Variants in PDE1C observed in about 807,000 individuals in gnomAD.
PDE1C encodes the protein dual specificity calcium/calmodulin-dependent 3',5'-cyclic nucleotide phosphodiesterase 1C.
In PDE1C, 62 loss-of-function variants were observed where a neutral mutation model predicts 93.1. That is an observed-to-expected ratio of 0.67 (90% CI 0.54 to 0.82). The LOEUF (loss-of-function observed/expected upper bound fraction) is 0.82. Among genes scored for constraint, PDE1C ranks in the 40% least tolerant of loss-of-function variants. The pLI is 0.00. For missense variants in PDE1C, 742 were observed against 884.6 expected (o/e 0.84, Z 2.04); for synonymous variants, 325 against 310.1 (o/e 1.05, Z -0.50).
chr7:32,028,082 C>A (rs1011809064), intron 2 of PDE1C, among the ~76,000 whole-genome samples: 1 of 152,018 alleles, frequency 6.6e-6, no homozygotes, highest in African/African-American at 2.4e-5. Flanking sequence ...AGCAAGACAC[C>A]CTGAATTGCA....
chr7:32,111,380 TAAAGACACA>T (rs1798631621), intron 3 of PDE1C, among the ~76,000 whole-genome samples: 1 of 152,194 alleles, frequency 6.6e-6, no homozygotes, highest in Non-Finnish European at 1.5e-5. Context: ...CATAGCATTT[TAAAGACACA>T]AAATTGTGTA....
chr7:32,157,007 A>AT (rs1165968533), intron 3 of PDE1C, among the ~76,000 whole-genome samples: 19 of 152,210 alleles, frequency 1.2e-4, no homozygotes, highest in African/African-American at 4.6e-4. Flanking sequence ...AGAAGGACTC[A>AT]GTGTCACTTA....
At chr7:32,262,964 T>A (rs1460620329) in intron 1 of PDE1C, among the ~76,000 whole-genome samples, 7 of 152,216 alleles carry the variant, frequency 4.6e-5, no homozygotes, top group Admixed American at 3.3e-4. Flanking sequence ...AAATTTAGAT[T>A]CTTGGTTTTA....
chr7:31,947,330 T>G (rs776413287), intron 2 of PDE1C, among the ~76,000 whole-genome samples: 19 of 152,336 alleles, frequency 1.2e-4, no homozygotes, highest in Middle Eastern at 3.4e-3. Flanking sequence ...AATACCTTCA[T>G]GGCAACATCT....
chr7:32,112,687 T>G (rs886967352), intron 3 of PDE1C, among the ~76,000 whole-genome samples: 2 of 151,376 alleles, frequency 1.3e-5, no homozygotes, highest in East Asian at 3.9e-4. Flanking sequence ...AATCCTGGCC[T>G]GAAGCAATTC....
intron 16 of PDE1C, among the ~76,000 whole-genome samples, chr7:31,793,829 C>G (rs1360173119): frequency 2.6e-5 from 4 of 151,976 alleles, no homozygotes; most frequent in Non-Finnish European, 5.9e-5. Flanking sequence ...ATGCTTTCTC[C>G]TTGCCCTAAA....
the PDE1C span, among the ~76,000 whole-genome samples, chr7:31,617,912 A>G: frequency 6.6e-6 from 1 of 152,222 alleles, no homozygotes; most frequent in African/African-American, 2.4e-5. Context: ...GGAAAAGAAG[A>G]TAAAGTCCCT....
the PDE1C span, among the ~76,000 whole-genome samples, chr7:31,742,521 A>C: frequency 6.6e-6 from 1 of 152,202 alleles, no homozygotes; most frequent in Non-Finnish European, 1.5e-5. Flanking sequence ...CCTGGGCAGC[A>C]CAAGGAGACC....
chr7:32,013,447 G>T (rs1032672018), intron 2 of PDE1C, among the ~76,000 whole-genome samples: 1 of 152,214 alleles, frequency 6.6e-6, no homozygotes, highest in African/African-American at 2.4e-5. Flanking sequence ...AGGAGACAGG[G>T]TTATTTATAA....
intron 2 of PDE1C, among the ~76,000 whole-genome samples, chr7:31,950,475 G>C (rs569937480): frequency 6.6e-6 from 1 of 152,144 alleles, no homozygotes; most frequent in South Asian, 2.1e-4. Flanking sequence ...AAAGTATGCA[G>C]AGTAGGACAG....
At chr7:32,266,929 G>A (rs1435091214) in intron 1 of PDE1C, among the ~76,000 whole-genome samples, 4 of 152,124 alleles carry the variant, frequency 2.6e-5, no homozygotes, top group Non-Finnish European at 5.9e-5. Context: ...GTGCGCTGGA[G>A]AGGCTGGAAG....
intron 6 of PDE1C, among the ~76,000 whole-genome samples, chr7:31,866,829 T>C (rs112294965): frequency 1.3e-5 from 2 of 152,122 alleles, no homozygotes; most frequent in African/African-American, 4.8e-5. Flanking sequence ...TGGCTAGCAG[T>C]CCACATTCCC....
At chr7:32,125,180 G>A (rs532765226) in intron 3 of PDE1C, among the ~76,000 whole-genome samples, 13 of 152,212 alleles carry the variant, frequency 8.5e-5, no homozygotes, top group East Asian at 1.9e-4. Context: ...ACCATCTCAC[G>A]CCAGTCAGAA....
chr7:31,943,577 G>A (rs1276867743), intron 2 of PDE1C, among the ~76,000 whole-genome samples: 1 of 152,148 alleles, frequency 6.6e-6, no homozygotes, highest in Non-Finnish European at 1.5e-5. Flanking sequence ...TAAGGTGGAA[G>A]CAAGTTCACC....
chr7:32,205,722 C>G (rs75671152), intron 2 of PDE1C, among the ~76,000 whole-genome samples: 5,769 of 152,222 alleles, frequency 0.038, 370 homozygotes, highest in African/African-American at 0.13. Context: ...TGAGCTGTAA[C>G]ACTCATTCTG....
intron 7 of PDE1C, among the ~76,000 whole-genome samples, chr7:31,860,874 T>G (rs1315996479): frequency 2.0e-5 from 3 of 152,196 alleles, no homozygotes; most frequent in Non-Finnish European, 2.9e-5. Context: ...TCAGATTTTT[T>G]GGGGGTGAAT....
intron 2 of PDE1C, among the ~76,000 whole-genome samples, chr7:32,006,456 C>T (rs559818326): frequency 3.3e-4 from 50 of 152,192 alleles, no homozygotes; most frequent in Non-Finnish European, 6.2e-4. Context: ...GGTGAATGTT[C>T]ACAGGGGAAA....
chr7:31,798,981 TG>T (rs1378638829), intron 16 of PDE1C, among the ~76,000 whole-genome samples: 4 of 151,740 alleles, frequency 2.6e-5, no homozygotes, highest in African/African-American at 9.7e-5. Context: ...CTAAGTAGTA[TG>T]GGGACATTTT....
chr7:32,025,860 A>T lies in PDE1C; in HGVS notation c.128+25694T>A, dbSNP rs901327950. On this transcript the variant is annotated intron_variant, in intron 2 of 17. Transcript: ENST00000396191. The stretch of plus-strand genomic sequence containing the variant: ...GCATCTTCTCTCTTTGATCATAAGG[A>T]AGAGGAGCAGAGCACCTACCTAGCT... 5.5e-4 allele frequency among the ~76,000 whole-genome samples: 83 copies of T among 152,098 alleles called. 2 individuals carry two copies. The highest frequency in any genetic ancestry group is 4.4e-4 in the Non-Finnish European group (30 of 68,004).
Sources: gnomAD v4.1 joint callset for allele counts (sites outside exome capture counted in the v4.1 genomes callset) on GRCh38, gnomAD v4.1.1 for gene constraint, MANE v1.5 for transcripts, NCBI Gene and HGNC (gene_info 2026-07-23, HGNC 2026-07-21) for gene names.